Variants in ACSL6 observed in about 807,000 individuals in gnomAD.
The protein encoded by ACSL6 is acyl-CoA synthetase long chain family member 6, also known as long-chain-fatty-acid--CoA ligase 6.
A neutral mutation model predicts 98.2 loss-of-function variants in ACSL6; 47 were observed. The observed-to-expected ratio is 0.48, with a 90% CI of 0.38 to 0.61. The LOEUF (loss-of-function observed/expected upper bound fraction) is 0.61. ACSL6 is among the 20% of genes least tolerant of loss of function. The probability of loss-of-function intolerance (pLI) is 0.00; values close to 1 mark genes in which losing one functional copy is unlikely to be tolerated. For missense variants in ACSL6, 761 were observed against 913.4 expected (o/e 0.83, Z 2.15); for synonymous variants, 362 against 336.9 (o/e 1.07, Z -0.82).
chr5:131,955,358 A>G (rs1207536674), intron 20 of ACSL6, among the ~76,000 whole-genome samples: 1 of 152,248 alleles, frequency 6.6e-6, no homozygotes, highest in Non-Finnish European at 1.5e-5. Flanking sequence ...GCACAGATTC[A>G]GTAAGGAATA....
chr5:131,971,458 C>T (rs1221042510), intron 14 of ACSL6, 92 bp downstream of exon 14: 22 of 1,052,106 alleles, frequency 2.1e-5, no homozygotes, highest in Admixed American at 7.3e-5. Context: ...TCTTGTCCCC[C>T]GGTTCTTTCT....
intron 7 of ACSL6, 44 bp from the exon 8 acceptor site, chr5:131,986,898 C>T (rs1490616176): frequency 1.2e-6 from 2 of 1,609,724 alleles, no homozygotes; most frequent in Non-Finnish European, 1.7e-6. Context: ...AAAGTTCTCT[C>T]TCTCTCTCTT....
chr5:131,989,163 T>A (rs1358129157), intron 5 of ACSL6, among the ~76,000 whole-genome samples: 3 of 151,998 alleles, frequency 2.0e-5, no homozygotes, highest in African/African-American at 4.8e-5. Flanking sequence ...CTCAGGTCTT[T>A]CCTCCCCATT....
intron 9 of ACSL6, chr5:131,983,214 C>T (rs1272209585): frequency 1.3e-5 from 2 of 152,166 alleles, no homozygotes; most frequent in African/African-American, 2.4e-5. Context: ...GGTTCAGATT[C>T]CAGTCCAGCT....
At chr5:131,983,681 C>A (rs1754017163) in intron 9 of ACSL6, 1 of 152,322 alleles carries the variant, frequency 6.6e-6, no homozygotes, top group African/African-American at 2.4e-5. Context: ...CAGGCCAGAG[C>A]CCTGCTCACT....
chr5:131,956,456 G>A (rs1220798356), intron 20 of ACSL6, among the ~76,000 whole-genome samples: 1 of 152,172 alleles, frequency 6.6e-6, no homozygotes, highest in Non-Finnish European at 1.5e-5. Context: ...CAAGCAATAT[G>A]GCAGCCTGCT....
At chr5:131,975,468 G>T in intron 10 of ACSL6, 1 of 985,434 alleles carries the variant, frequency 1.0e-6, no homozygotes, top group Non-Finnish European at 1.2e-6. Context: ...TGGCTAGTCA[G>T]CACTTTCTAG....
Position 131,976,057 on chromosome 5 carries a change from A to T in ACSL6, c.990+591T>A, listed in dbSNP as rs567950015. On this transcript the variant is annotated intron_variant, in intron 10 of 20. Coordinates refer to ENST00000651883, the MANE Select transcript of ACSL6 (RefSeq NM_001009185.3). ...CTTTTTTGAAAAGATACACTCCTTT[A>T]TGCTGAAGGAAACTGCAGGACATAC... 12 of 985,482 alleles carry T rather than the reference A, an allele frequency of 1.2e-5. No individual in the cohort carries two copies. The African/African-American group carries it at 1.9e-4, about 16-fold the overall frequency. 61.0% of individuals were successfully genotyped at this position (985,482 alleles called of 1,614,324 possible). A position where few individuals can be genotyped will look rare whatever the true frequency, so the allele number is the denominator to read the frequency against.
In ACSL6 at chr5:131,972,759, T is replaced by C. The variant is rs1403975397; in HGVS notation, c.1303A>G (p.Ser435Gly). The C allele has an allele frequency of 6.2e-7, 1 of 1,614,104 alleles. No homozygotes were observed. Among genetic ancestry groups the C allele is most frequent in the Admixed American group, 1.7e-5 (1 of 60,008 alleles). ...TTAAAGAAGAGTTCATCCCAGATACTATCATTCCTGATGATTCCACTCCGG... is the reference window on the plus strand; with the variant it reads ...TTAAAGAAGAGTTCATCCCAGATACCATCATTCCTGATGATTCCACTCCGG... Reference protein sequence around the residue: ...EVRSGIIRNDSIWDELFFNKI... With the variant: ...EVRSGIIRNDGIWDELFFNKI... Residue 435 changes from serine to glycine, a missense_variant, in exon 13 of 21, where the codon AGT becomes GGT. Ser to Gly is a moderately conservative substitution (Grantham distance 56, BLOSUM62 0). Transcript: ENST00000651883.
rs552484712 is a variant in ACSL6, at chr5:131,983,114, A to G, written c.916+2293T>C. The G allele has an allele frequency of 4.6e-5, 7 of 152,384 alleles. No individual in the cohort carries two copies. The East Asian group carries it at 5.8e-4, about 13-fold the overall frequency. 9.4% of individuals were successfully genotyped at this position (152,384 alleles called of 1,614,324 possible). ...ACAAGGCATATGAACTCACAAGGAT[A>G]AAACATCCTAACTATCATTCAAGAG... On this transcript the variant is annotated intron_variant, in intron 9 of 20. Transcript: ENST00000651883.
At chr5:131,962,215 GTAA>G (rs1164651532) in intron 18 of ACSL6, among the ~76,000 whole-genome samples, 1 of 151,852 alleles carries the variant, frequency 6.6e-6, no homozygotes, top group African/African-American at 2.4e-5. Context: ...AATAATAATA[GTAA>G]TAATAATTTT....
intron 1 of ACSL6, among the ~76,000 whole-genome samples, chr5:132,000,036 G>A (rs1754997812): frequency 1.3e-5 from 2 of 151,996 alleles, no homozygotes; most frequent in African/African-American, 4.8e-5. Context: ...GAAGTAGTGG[G>A]GAGTAGGGGA....
In ACSL6 at chr5:131,950,739, T is replaced by C. The variant is rs1354143657; in HGVS notation, c.*3495A>G. On this transcript the variant is annotated 3_prime_UTR_variant, in exon 21 of 21. Coordinates refer to ENST00000651883, the MANE Select transcript of ACSL6 (RefSeq NM_001009185.3). ...AAAATAAAGGATATTTCATTTTCTT[T>C]ACTGCAGAAAAAGGAAAGGTTATTG... 5.2e-6 allele frequency: 1 copy of C among 192,700 alleles called. No individual in the cohort carries two copies. The highest frequency in any genetic ancestry group is 1.1e-5 in the Non-Finnish European group (1 of 92,298). The allele number at this position is 192,700 out of a possible 1,614,324, so 11.9% of individuals were successfully genotyped here.
At chr5:131,958,252 C>A (rs1012260340) in intron 20 of ACSL6, among the ~76,000 whole-genome samples, 6 of 152,172 alleles carry the variant, frequency 3.9e-5, no homozygotes, top group Non-Finnish European at 7.3e-5. Context: ...CCAGGATGTC[C>A]GCAGGAACTG....
At chr5:131,956,390 T>A (rs571949556) in intron 20 of ACSL6, among the ~76,000 whole-genome samples, 32 of 152,294 alleles carry the variant, frequency 2.1e-4, no homozygotes, top group African/African-American at 7.5e-4. Flanking sequence ...TGGCTGTCTA[T>A]AAAATAGTTC....
intron 20 of ACSL6, 102 bp downstream of exon 20, chr5:131,959,434 C>T: frequency 7.6e-7 from 1 of 1,314,576 alleles, no homozygotes; most frequent in Non-Finnish European, 1.1e-6. Flanking sequence ...TGGCGGGCCA[C>T]ACCATGAAAA....
intron 1 of ACSL6, among the ~76,000 whole-genome samples, chr5:132,002,048 C>T (rs1755114724): frequency 6.6e-6 from 1 of 152,098 alleles, no homozygotes; most frequent in South Asian, 2.1e-4. Flanking sequence ...AGCAGTAGTC[C>T]CTTTGGAAAT....
At chr5:132,011,749 G>T, upstream of ACSL6, 5 of 1,300,016 alleles carry the variant, frequency 3.8e-6, no homozygotes, top group Non-Finnish European at 4.9e-6. This position sits in a 1 kb window ranked among gnomAD's most constrained non-coding sequence, Gnocchi z 5.4. Flanking sequence ...GGCGCGGCGC[G>T]CACTCGCAAC....
intron 11 of ACSL6, 89 bp downstream of exon 11, chr5:131,974,804 T>C (rs963091916): frequency 6.2e-7 from 1 of 1,613,008 alleles, no homozygotes; most frequent in South Asian, 1.1e-5. Context: ...ATAGGAAATG[T>C]GCACATCCGC....
Sources: gnomAD v4.1 joint callset for allele counts (sites outside exome capture counted in the v4.1 genomes callset) on GRCh38, gnomAD v4.1.1 for gene constraint, Gnocchi (gnomAD v3.1) non-coding constraint, MANE v1.5 for transcripts, NCBI Gene and HGNC (gene_info 2026-07-23, HGNC 2026-07-21) for gene names.